The following EPB41L3 variants were observed in gnomAD, a reference collection of about 807,000 sequenced individuals.
The protein encoded by EPB41L3 is erythrocyte membrane protein band 4.1 like 3, also known as band 4.1-like protein 3.
In EPB41L3, 57 loss-of-function variants were observed where a neutral mutation model predicts 127.1. The observed-to-expected ratio is 0.45, with a 90% CI of 0.36 to 0.56. The LOEUF is 0.56. Among genes scored for constraint, EPB41L3 ranks in the 20% least tolerant of loss-of-function variants. EPB41L3 has a pLI of 0.00. For missense variants in EPB41L3, 1,273 were observed against 1,372.2 expected (o/e 0.93, Z 1.14); for synonymous variants, 572 against 549.5 (o/e 1.04, Z -0.57).
At chr18:5,604,923 C>T (rs2094633084) in intron 3 of EPB41L3, among the ~76,000 whole-genome samples, 2 of 152,166 alleles carry the variant, frequency 1.3e-5, no homozygotes, top group African/African-American at 4.8e-5. Context: ...GATCCCCTTA[C>T]AGGAATAAAG....
At chr18:5,565,154 T>C (rs1388800697) in intron 3 of EPB41L3, among the ~76,000 whole-genome samples, 1 of 151,878 alleles carries the variant, frequency 6.6e-6, no homozygotes, top group East Asian at 1.9e-4. Context: ...CCCAGCACTT[T>C]GGGAGGCCAA....
At chr18:5,441,462 ATTTTTTT>A (rs201943060) in intron 5 of EPB41L3, among the ~76,000 whole-genome samples, 10 of 139,700 alleles carry the variant, frequency 7.2e-5, no homozygotes, top group South Asian at 2.3e-4. Flanking sequence ...TCGAATTCCA[ATTTTTTT>A]TTTTTTTTTT....
intron 3 of EPB41L3, among the ~76,000 whole-genome samples, chr18:5,573,850 T>C (rs1301953616): frequency 6.6e-6 from 1 of 151,962 alleles, no homozygotes; most frequent in African/African-American, 2.4e-5. Flanking sequence ...GACGAAGAAT[T>C]ACCTAACTTC....
At chr18:5,558,509 G>A (rs1183770259) in intron 3 of EPB41L3, among the ~76,000 whole-genome samples, 1 of 152,202 alleles carries the variant, frequency 6.6e-6, no homozygotes, top group Non-Finnish European at 1.5e-5. Context: ...TGTGGAGAGT[G>A]TACGCCTATA....
At chr18:5,484,871 G>A (rs747346942) in intron 2 of EPB41L3, among the ~76,000 whole-genome samples, 3 of 151,268 alleles carry the variant, frequency 2.0e-5, no homozygotes, top group African/African-American at 7.3e-5. Context: ...AAAAGCCCAA[G>A]ACCTGAAGGC....
chr18:5,617,036 C>T (rs2094803195), intron 1 of EPB41L3, among the ~76,000 whole-genome samples: 1 of 151,990 alleles, frequency 6.6e-6, no homozygotes, highest in South Asian at 2.1e-4. Context: ...AAGATAATGC[C>T]TAACTGTTTT....
rs1182881300 is a variant in EPB41L3 at position 5,406,926 on chromosome 18, T to C, written c.2200A>G (p.Asn734Asp). Residue 734 changes from asparagine (N) to aspartate (D), a missense_variant, in exon 16 of 23, where the codon AAC (asparagine) becomes GAC (aspartate). Asn to Asp is a conservative substitution (Grantham distance 23). Transcript: ENST00000341928. Reference protein sequence around the residue: ...TQDDLMKHQTNISELKRTFLE... With the variant: ...TQDDLMKHQTDISELKRTFLE... ...AAGGTTCTTTTCAGCTCGCTAATGT[T>C]GGTTTGATGTTTCATCAGGTCATCT... The C allele has an allele frequency of 6.2e-7, 1 of 1,614,116 alleles. No individual in the cohort carries two copies. The highest frequency in any genetic ancestry group is 1.1e-5 in the South Asian group (1 of 91,088).
chr18:5,557,342 AT>A (rs1239304784), intron 3 of EPB41L3, among the ~76,000 whole-genome samples: 1 of 152,202 alleles, frequency 6.6e-6, no homozygotes, highest in East Asian at 1.9e-4. Flanking sequence ...AGCACACACA[AT>A]TCAAAAAAGT....
intron 9 of EPB41L3, among the ~76,000 whole-genome samples, chr18:5,426,725 C>T (rs189816265): frequency 5.5e-4 from 83 of 152,180 alleles, no homozygotes; most frequent in African/African-American, 1.5e-3. Context: ...TATATGAGTC[C>T]GTTTTTCTGC....
In EPB41L3 at chr18:5,543,695, A is replaced by C. The variant is rs2093814671; in HGVS notation, c.-12+218T>G. 2.1e-5 allele frequency among the ~76,000 whole-genome samples: 3 copies of C among 144,128 alleles called. No homozygotes were observed. In the South Asian group the frequency reaches 6.4e-4, roughly 31 times the overall value. The allele number at this position is 144,128 out of a possible 152,430, so 94.6% of individuals were successfully genotyped here. ...GGAGCGGGCGGGGGGCGCGGCGCGCAGGCTCGGCCCGGTGGGGGTCCCGGC... is the reference window on the plus strand; with the variant it reads ...GGAGCGGGCGGGGGGCGCGGCGCGCCGGCTCGGCCCGGTGGGGGTCCCGGC... On this transcript the variant is annotated intron_variant, in intron 1 of 22. Coordinates refer to ENST00000341928, the MANE Select transcript of EPB41L3 (RefSeq NM_012307.5). The surrounding 1 kb of genome is among the most constrained non-coding windows in gnomAD (Gnocchi z 5.2).
In EPB41L3 at chr18:5,436,317, CA is replaced by C. The variant is rs200779856; in HGVS notation, c.605+1717del. Reference sequence around the variant, plus strand: ...GTGACATAAATCCATGTAATTATGACAAAAAAATCCTTAAACATTTAACAGC... The same window carrying C: ...GTGACATAAATCCATGTAATTATGACAAAAAATCCTTAAACATTTAACAGC... On this transcript the variant is annotated intron_variant, in intron 6 of 22. Coordinates refer to ENST00000341928, the MANE Select transcript of EPB41L3 (RefSeq NM_012307.5). Among the ~76,000 whole-genome samples the C allele has an allele frequency of 7.1e-3, 1,046 of 147,384 alleles. 12 individuals are homozygous for C. The highest frequency in any genetic ancestry group is 0.025 in the African/African-American group (998 of 40,346).
intron 8 of EPB41L3, among the ~76,000 whole-genome samples, chr18:5,429,004 A>G (rs2078610720): frequency 6.6e-6 from 1 of 152,180 alleles, no homozygotes; most frequent in Non-Finnish European, 1.5e-5. Flanking sequence ...TGTTCCTTTA[A>G]AAAGAGCCCC....
chr18:5,558,291 A>T (rs1302279008), intron 3 of EPB41L3, among the ~76,000 whole-genome samples: 2 of 152,214 alleles, frequency 1.3e-5, no homozygotes, highest in Non-Finnish European at 2.9e-5. Context: ...GTTTCTTTTC[A>T]TCAATGCAGA....
chr18:5,472,061 A>C (rs191320314), intron 3 of EPB41L3, among the ~76,000 whole-genome samples: 50 of 152,186 alleles, frequency 3.3e-4, no homozygotes, highest in Non-Finnish European at 7.2e-4. Flanking sequence ...TCACATTTTT[A>C]ATATTTATAT....
chr18:5,482,028 C>T (rs930214694), intron 2 of EPB41L3, among the ~76,000 whole-genome samples: 3 of 152,036 alleles, frequency 2.0e-5, no homozygotes, highest in Non-Finnish European at 4.4e-5. Context: ...CCCAAAAAGA[C>T]AAGGGAAAAT....
At chr18:5,460,683 C>G (rs1568276681) in intron 3 of EPB41L3, among the ~76,000 whole-genome samples, 1 of 152,176 alleles carries the variant, frequency 6.6e-6, no homozygotes, top group Admixed American at 6.5e-5. Context: ...CAGAGAGCTG[C>G]AGTAGAGAGT....
intron 1 of EPB41L3, among the ~76,000 whole-genome samples, chr18:5,540,951 G>A (rs916608378): frequency 2.6e-5 from 4 of 152,004 alleles, no homozygotes; most frequent in African/African-American, 4.8e-5. Context: ...CGGGCGTGGT[G>A]GCGGGCGCCT....
intron 1 of EPB41L3, among the ~76,000 whole-genome samples, chr18:5,514,638 T>C (rs528345481): frequency 3.0e-4 from 46 of 152,158 alleles, no homozygotes; most frequent in Non-Finnish European, 6.2e-4. Context: ...AGAGAAACAA[T>C]ATATTTTCAA....
chr18:5,616,225 C>T (rs575056039), intron 1 of EPB41L3, among the ~76,000 whole-genome samples: 41 of 152,212 alleles, frequency 2.7e-4, no homozygotes, highest in African/African-American at 7.7e-4. Flanking sequence ...AAGCCCACTA[C>T]GTGTATGCCT....
Sources: gnomAD v4.1 joint callset for allele counts (sites outside exome capture counted in the v4.1 genomes callset) on GRCh38, gnomAD v4.1.1 for gene constraint, Gnocchi (gnomAD v3.1) non-coding constraint, MANE v1.5 for transcripts, NCBI Gene and HGNC (gene_info 2026-07-23, HGNC 2026-07-21) for gene names.